NDUFAF5: variants seen among roughly 807,000 people sequenced by gnomAD.
The protein encoded by NDUFAF5 is arginine-hydroxylase NDUFAF5, mitochondrial.
A neutral mutation model predicts 48.9 loss-of-function variants in NDUFAF5; 34 were observed. The observed-to-expected ratio is 0.70, with a 90% CI of 0.53 to 0.93. The LOEUF (loss-of-function observed/expected upper bound fraction) is 0.93. NDUFAF5 is among the 40% of genes least tolerant of loss of function. The pLI is 0.00. For missense variants in NDUFAF5, 428 were observed against 427.5 expected (o/e 1.00, Z -0.01); for synonymous variants, 153 against 150.6 (o/e 1.02, Z -0.12).
At chr20:13,814,565 C>A in intron 8 of NDUFAF5, 2 of 926,514 alleles carry the variant, frequency 2.2e-6, no homozygotes, top group Non-Finnish European at 3.0e-6. Context: ...TTTTAGTAAA[C>A]TGTAATAAAT....
At chr20:13,791,079 T>C (rs1982205844) in intron 3 of NDUFAF5, among the ~76,000 whole-genome samples, 2 of 152,364 alleles carry the variant, frequency 1.3e-5, no homozygotes, top group South Asian at 4.1e-4. Context: ...GAGTTTAAGT[T>C]ACACCTTTTG....
intron 3 of NDUFAF5, among the ~76,000 whole-genome samples, chr20:13,792,612 G>A (rs1982457984): frequency 6.6e-6 from 1 of 152,184 alleles, no homozygotes; most frequent in South Asian, 2.1e-4. Flanking sequence ...GGTGGAGGAA[G>A]GAGACACAGA....
chr20:13,806,213 G>A (rs1216643830), intron 7 of NDUFAF5, among the ~76,000 whole-genome samples: 1 of 152,106 alleles, frequency 6.6e-6, no homozygotes, highest in Non-Finnish European at 1.5e-5. Context: ...AGTACTTTAA[G>A]AGAATGGTGC....
At chr20:13,815,867 CGAA>C (rs1356680881) in intron 8 of NDUFAF5, among the ~76,000 whole-genome samples, 2 of 152,068 alleles carry the variant, frequency 1.3e-5, no homozygotes, top group Non-Finnish European at 2.9e-5. Flanking sequence ...ACCATCAACT[CGAA>C]GGAAGTCTAA....
At position 13,820,684 on chromosome 20, in the gene NDUFAF5, C is replaced by T. The variant is rs1986925484; in HGVS notation, c.*3474C>T. ...CTAGCCTGGGCAACAGCAAGACCCT[C>T]GTCTCAAAAAAGAAAAAAAAAAAGT... On this transcript the variant is annotated 3_prime_UTR_variant, in exon 11 of 11. Coordinates refer to ENST00000378106, the MANE Select transcript of NDUFAF5 (RefSeq NM_024120.5). The T allele has an allele frequency of 6.6e-6, 1 of 150,516 alleles. No individual in the cohort carries two copies. The highest frequency in any genetic ancestry group is 1.5e-5 in the Non-Finnish European group (1 of 67,850). The allele number at this position is 150,516 out of a possible 1,614,324, so 9.3% of individuals were successfully genotyped here.
chr20:13,807,497 CT>C (rs963528606), intron 7 of NDUFAF5, among the ~76,000 whole-genome samples: 32 of 148,522 alleles, frequency 2.2e-4, no homozygotes, highest in African/African-American at 5.4e-4. Context: ...CACTCTTTTG[CT>C]TTTTTTTTTC....
chr20:13,816,783 A>G (rs1986514914), intron 9 of NDUFAF5, 92 bp from the exon 10 acceptor site: 4 of 850,806 alleles, frequency 4.7e-6, no homozygotes, highest in East Asian at 4.9e-5. Flanking sequence ...GTATCCTTGT[A>G]CCCATTTCTT....
chr20:13,817,010 T>C (rs1302026912), intron 10 of NDUFAF5, 53 bp downstream of exon 10: 1 of 1,547,370 alleles, frequency 6.5e-7, no homozygotes, highest in African/African-American at 1.4e-5. Context: ...TTCAGATTAT[T>C]GTTTACTAAC....
At chr20:13,817,096 C>G in intron 10 of NDUFAF5, 22 bp from the exon 11 acceptor site, 1 of 1,605,312 alleles carries the variant, frequency 6.2e-7, no homozygotes, top group Non-Finnish European at 8.5e-7. Flanking sequence ...TTTCTAATAT[C>G]TTTAATCTTT....
At position 13,817,303 on chromosome 20, in the gene NDUFAF5, C is replaced by G. The variant is rs1046971915; in HGVS notation, c.*93C>G. ...ATTATATTTTGAAGCAAGAAGCACT[C>G]TAAGCTATTTACTAATAGGCTTTTC... On this transcript the variant is annotated 3_prime_UTR_variant, in exon 11 of 11. Transcript: ENST00000378106. 1.0e-6 allele frequency: 1 copy of G among 996,726 alleles called. No individual in the cohort carries two copies. Among genetic ancestry groups the G allele is most frequent in the Non-Finnish European group, 1.6e-6 (1 of 618,428 alleles). 61.7% of individuals were successfully genotyped at this position (996,726 alleles called of 1,614,324 possible).
chr20:13,794,912 T>C lies in NDUFAF5; in HGVS notation c.450T>C (p.Asn150=), dbSNP rs146324749. ...AAGAATTCCTTCCCTTCAAAGAAAATACATTTGACCTGGTGGTTAGCAGTT... is the reference window on the plus strand; with the variant it reads ...AAGAATTCCTTCCCTTCAAAGAAAACACATTTGACCTGGTGGTTAGCAGTT... ...ADEEFLPFKE[N]TFDLVVSSLS... is the part of the protein sequence containing the mutation. Residue 150 remains asparagine (N), a synonymous_variant, in exon 5 of 11, where the codon AAT becomes AAC. Transcript: ENST00000378106. 118 of 1,612,388 alleles carry C rather than the reference T, an allele frequency of 7.3e-5. 1 individual carries two copies. In the African/African-American group the frequency reaches 1.2e-3, roughly 17 times the overall value.
intron 3 of NDUFAF5, among the ~76,000 whole-genome samples, chr20:13,791,900 C>G (rs1423798221): frequency 6.6e-6 from 1 of 152,186 alleles, no homozygotes; most frequent in Non-Finnish European, 1.5e-5. Context: ...TAGCTTAGGC[C>G]AGCCTGTGAG....
At position 13,821,110 on chromosome 20, in the gene NDUFAF5, TAAG is replaced by T. The variant is rs1321053227; in HGVS notation, c.*3903_*3905del. Reference sequence around the variant, plus strand: ...ACACTGATAAGTTACTGTTAACAAATAAGAAAATAATGCTTTGCCATCTGTGGT... The same window carrying T: ...ACACTGATAAGTTACTGTTAACAAATAAAATAATGCTTTGCCATCTGTGGT... On this transcript the variant is annotated 3_prime_UTR_variant, in exon 11 of 11. Transcript: ENST00000378106. 6.6e-6 allele frequency: 1 copy of T among 152,208 alleles called. No homozygotes were observed. Among genetic ancestry groups the T allele is most frequent in the Non-Finnish European group, 1.5e-5 (1 of 68,022 alleles). 9.4% of individuals were successfully genotyped at this position (152,208 alleles called of 1,614,324 possible).
At chr20:13,804,480 T>G (rs908786138) in intron 7 of NDUFAF5, among the ~76,000 whole-genome samples, 1 of 152,180 alleles carries the variant, frequency 6.6e-6, no homozygotes, top group Non-Finnish European at 1.5e-5. Context: ...ATTCACACAT[T>G]TCTGAAACTT....
Position 13,785,195 on chromosome 20 carries a change from A to C in NDUFAF5, c.127A>C (p.Thr43Pro). ...TCCCCGCGGTAGCACCTCGCCCAGAACCCTGAATATTTTCGACCGGGATTT... is the reference window on the plus strand; with the variant it reads ...TCCCCGCGGTAGCACCTCGCCCAGACCCCTGAATATTTTCGACCGGGATTT... ...VSPRGSTSPRTLNIFDRDLKR... is the reference protein window; with the variant it reads ...VSPRGSTSPRPLNIFDRDLKR... The change falls in exon 1 of 11, where the codon ACC becomes CCC. Residue 43 changes from threonine (T) to proline (P), a missense_variant. By Grantham distance (38) the Thr-to-Pro change is conservative. Transcript: ENST00000378106. 1 of 1,613,790 alleles carries C rather than the reference A, an allele frequency of 6.2e-7. No homozygotes were observed. The highest frequency in any genetic ancestry group is 2.2e-5 in the East Asian group (1 of 44,874).
intron 8 of NDUFAF5, 53 bp downstream of exon 8, chr20:13,808,955 A>T: frequency 3.1e-6 from 4 of 1,289,576 alleles, no homozygotes; most frequent in Non-Finnish European, 4.5e-6. Context: ...AGGCCAAAAA[A>T]AAAGAATTTT....
At chr20:13,786,574 G>A (rs1202611018) in intron 1 of NDUFAF5, among the ~76,000 whole-genome samples, 6 of 152,096 alleles carry the variant, frequency 3.9e-5, no homozygotes, top group East Asian at 1.9e-4. Context: ...AAACATCTAC[G>A]CTCCCTTCTC....
intron 7 of NDUFAF5, 156 bp downstream of exon 7, chr20:13,801,839 G>C (rs949637994): frequency 3.1e-6 from 2 of 644,866 alleles, no homozygotes; most frequent in Non-Finnish European, 5.4e-6. Context: ...GATTGACAAT[G>C]TTTAGTTTGT....
intron 9 of NDUFAF5, 75 bp downstream of exon 9, chr20:13,816,621 C>A: frequency 1.7e-6 from 2 of 1,208,872 alleles, no homozygotes; most frequent in Non-Finnish European, 2.5e-6. Context: ...TTCACGTTGC[C>A]AATGCATTTT....
Sources: allele counts gnomAD v4.1 joint callset (sites outside exome capture counted in the v4.1 genomes callset), GRCh38; gene constraint gnomAD v4.1.1; transcripts MANE v1.5; gene names NCBI Gene and HGNC (gene_info 2026-07-23, HGNC 2026-07-21).